TMEM117: variants seen among roughly 807,000 people sequenced by gnomAD.
The protein encoded by TMEM117 is transmembrane protein 117.
A neutral mutation model predicts 52.4 loss-of-function variants in TMEM117; 27 were observed. That is an observed-to-expected ratio of 0.51 (90% CI 0.38 to 0.71). The LOEUF is 0.71. TMEM117 is among the 30% of genes least tolerant of loss of function. The pLI, the probability that TMEM117 is intolerant of heterozygous loss-of-function variation, is 0.00. For synonymous variants in TMEM117, 215 were observed against 206.3 expected, an observed-to-expected ratio of 1.04 and a Z score of -0.36; for missense variants, 556 against 630.5, an observed-to-expected ratio of 0.88 and a Z score of 1.26.
At chr12:44,275,260 C>T (rs1950498035) in intron 5 of TMEM117, among the ~76,000 whole-genome samples, 1 of 151,858 alleles carries the variant, frequency 6.6e-6, no homozygotes, top group Non-Finnish European at 1.5e-5. Flanking sequence ...GTCGTCTCAC[C>T]CCAGTTAAAA....
rs547825013 is a variant in TMEM117 at position 44,057,285 on chromosome 12, G to C, written c.411-86240G>C. Reference sequence around the variant, plus strand: ...CCTACTATGTGTCAGTCATGGTCCCGTGAATTTCTGGGGTTACATGATTAA... The same window carrying C: ...CCTACTATGTGTCAGTCATGGTCCCCTGAATTTCTGGGGTTACATGATTAA... On this transcript the variant is annotated intron_variant, in intron 3 of 7. Transcript: ENST00000266534. Among the ~76,000 whole-genome samples, 4 of 152,224 alleles carry C rather than the reference G, an allele frequency of 2.6e-5. No homozygotes were observed. In the East Asian group the frequency reaches 7.7e-4, roughly 29 times the overall value.
intron 4 of TMEM117, among the ~76,000 whole-genome samples, chr12:44,160,968 A>G (rs1301821725): frequency 6.6e-6 from 1 of 152,156 alleles, no homozygotes; most frequent in Non-Finnish European, 1.5e-5. Flanking sequence ...GCCAAATGGT[A>G]TTAGGTATAT....
At chr12:43,953,310 T>A (rs1945254462) in intron 3 of TMEM117, among the ~76,000 whole-genome samples, 1 of 152,124 alleles carries the variant, frequency 6.6e-6, no homozygotes, top group Admixed American at 6.5e-5. Context: ...AATATTAACC[T>A]GAAATGTAAA....
intron 3 of TMEM117, among the ~76,000 whole-genome samples, chr12:44,089,593 C>T (rs1947628925): frequency 1.3e-5 from 2 of 152,124 alleles, no homozygotes; most frequent in South Asian, 2.1e-4. Context: ...CACTTTTGCT[C>T]ATGTGACTCT....
chr12:44,104,980 T>C (rs1565829460), intron 3 of TMEM117, among the ~76,000 whole-genome samples: 1 of 151,990 alleles, frequency 6.6e-6, no homozygotes, highest in Non-Finnish European at 1.5e-5. Flanking sequence ...CTGCTTGGTG[T>C]TTTCTGAGCT....
intron 6 of TMEM117, among the ~76,000 whole-genome samples, chr12:44,306,835 T>C (rs886439279): frequency 1.3e-5 from 2 of 152,238 alleles, no homozygotes; most frequent in Non-Finnish European, 2.9e-5. Context: ...CACTGAAGTA[T>C]GATCTTACAG....
chr12:44,226,101 G>A (rs1441567827), intron 5 of TMEM117, among the ~76,000 whole-genome samples: 1 of 152,134 alleles, frequency 6.6e-6, no homozygotes, highest in Non-Finnish European at 1.5e-5. Context: ...AAAATAAATA[G>A]CAAAAATTAA....
At chr12:44,390,199 G>GACACACACACACAC (rs58917894), downstream of TMEM117, among the ~76,000 whole-genome samples, 82 of 143,692 alleles carry the variant, frequency 5.7e-4, no homozygotes, top group Non-Finnish European at 9.9e-4. Flanking sequence ...AAACATATCT[G>GACACACACACACAC]ACACACACAC....
At chr12:44,237,733 A>C (rs570701501) in intron 5 of TMEM117, among the ~76,000 whole-genome samples, 29 of 152,042 alleles carry the variant, frequency 1.9e-4, no homozygotes, top group Non-Finnish European at 3.8e-4. Flanking sequence ...AAAAAAAACA[A>C]AACTGGGACT....
At chr12:44,037,598 C>T (rs755067804) in intron 3 of TMEM117, among the ~76,000 whole-genome samples, 2 of 152,162 alleles carry the variant, frequency 1.3e-5, no homozygotes, top group African/African-American at 2.4e-5. Context: ...GCCTGGCTGA[C>T]GGACAAGAAT....
intron 3 of TMEM117, among the ~76,000 whole-genome samples, chr12:43,991,406 A>G (rs970855436): frequency 6.6e-6 from 1 of 151,796 alleles, no homozygotes; most frequent in South Asian, 2.1e-4. Context: ...CTGGATAATA[A>G]TTGTAATAAC....
chr12:44,013,538 T>C (rs1262854269), intron 3 of TMEM117, among the ~76,000 whole-genome samples: 1 of 152,194 alleles, frequency 6.6e-6, no homozygotes, highest in African/African-American at 2.4e-5. Flanking sequence ...CTTTCTTTCA[T>C]ATTTCAAATG....
rs145784617 is a variant in TMEM117 at position 43,954,564 on chromosome 12, C to T, written c.410+10222C>T. Among the ~76,000 whole-genome samples the T allele has an allele frequency of 7.4e-3, 1,124 of 152,176 alleles. 19 individuals carry two copies. The highest frequency in any genetic ancestry group is 0.026 in the African/African-American group (1,068 of 41,528). On this transcript the variant is annotated intron_variant, in intron 3 of 7. Transcript: ENST00000266534. ...AAATCTAGAAGAAATGGATAAATTC[C>T]TGGACCCATAAACCCTCCTAAGACT...
chr12:44,188,621 C>T (rs1003613963), intron 4 of TMEM117, among the ~76,000 whole-genome samples: 1 of 152,048 alleles, frequency 6.6e-6, no homozygotes, highest in Non-Finnish European at 1.5e-5. Flanking sequence ...TAATATCTCC[C>T]ACCTGCTGTC....
At chr12:43,952,312 G>C (rs1010357927) in intron 3 of TMEM117, among the ~76,000 whole-genome samples, 8 of 152,084 alleles carry the variant, frequency 5.3e-5, no homozygotes, top group Non-Finnish European at 8.8e-5. Flanking sequence ...ACAGAAGTAG[G>C]CTTTAGAGAG....
intron 2 of TMEM117, among the ~76,000 whole-genome samples, chr12:43,866,419 A>C (rs994746491): frequency 6.6e-6 from 1 of 151,420 alleles, no homozygotes; most frequent in Non-Finnish European, 1.5e-5. Context: ...CCAAAAAAAA[A>C]AAAAAAAAAG....
chr12:43,981,472 C>T (rs1009339084), intron 3 of TMEM117, among the ~76,000 whole-genome samples: 8 of 152,144 alleles, frequency 5.3e-5, no homozygotes, highest in African/African-American at 1.9e-4. Context: ...AACTTTTTAA[C>T]TGTTAGAGCC....
At chr12:44,127,166 A>G (rs532732883) in intron 3 of TMEM117, among the ~76,000 whole-genome samples, 2 of 152,166 alleles carry the variant, frequency 1.3e-5, no homozygotes, top group African/African-American at 4.8e-5. Context: ...TAAAATTAGG[A>G]TCATAGAGAT....
the TMEM117 span, chr12:43,806,179 C>T: frequency 6.5e-7 from 1 of 1,538,346 alleles, no homozygotes; most frequent in Non-Finnish European, 8.7e-7. Context: ...TCCCGGCTCT[C>T]CCGGAAGCCC....
Sources: gnomAD v4.1 joint callset for allele counts (sites outside exome capture counted in the v4.1 genomes callset) on GRCh38, gnomAD v4.1.1 for gene constraint, MANE v1.5 for transcripts, NCBI Gene and HGNC (gene_info 2026-07-23, HGNC 2026-07-21) for gene names.